The following SLC9A2 variants were observed in gnomAD, a reference collection of about 807,000 sequenced individuals.
The protein encoded by SLC9A2 is sodium/hydrogen exchanger 2.
In SLC9A2, 42 loss-of-function variants were observed where a neutral mutation model predicts 71.7. That is an observed-to-expected ratio of 0.59 (90% confidence interval 0.46 to 0.76). The LOEUF (loss-of-function observed/expected upper bound fraction) is 0.76, where lower values mean the gene tolerates loss of function less well. Ranked by LOEUF, SLC9A2 falls within the 30% of genes least tolerant of loss-of-function variation. The probability of loss-of-function intolerance (pLI) is 0.00; values close to 1 mark genes in which losing one functional copy is unlikely to be tolerated. For synonymous variants in SLC9A2, 396 were observed against 392.5 expected, an observed-to-expected ratio of 1.01 and a Z score of -0.10; for missense variants, 829 against 1,017.4, an observed-to-expected ratio of 0.81 and a Z score of 2.52.
In SLC9A2 at chr2:102,691,928, A is replaced by G. The variant is rs372716580; in HGVS notation, c.1426-2486A>G. On this transcript the variant is annotated intron_variant, in intron 5 of 11. Coordinates refer to ENST00000233969, the MANE Select transcript of SLC9A2 (RefSeq NM_003048.6). Reference sequence around the variant, plus strand: ...CTCACCTATTACTTACTAAATGAACACTGATAGGAAAAGAGCACGTGAAAC... The same window carrying G: ...CTCACCTATTACTTACTAAATGAACGCTGATAGGAAAAGAGCACGTGAAAC... Among the ~76,000 whole-genome samples, 65 of 152,308 alleles carry G rather than the reference A, an allele frequency of 4.3e-4. No homozygotes were observed. The South Asian group carries it at 7.9e-3, about 18-fold the overall frequency.
Position 102,701,317 on chromosome 2 carries a change from A to G in SLC9A2, c.1748+86A>G, listed in dbSNP as rs56888041. The G allele has an allele frequency of 8.2e-3, 8,408 of 1,029,886 alleles. 447 individuals carry two copies. In the African/African-American group the frequency reaches 0.12, roughly 15 times the overall value. The allele number at this position is 1,029,886 out of a possible 1,614,324, so 63.8% of individuals were successfully genotyped here. ...AACTGGTAATAATAATTTTAAAAAA[A>G]TTATTATTAATTGATCCGCCCCCCT... On this transcript the variant is annotated intron_variant, in intron 8 of 11. Transcript: ENST00000233969.
At position 102,680,050 on chromosome 2, in the gene SLC9A2, G is replaced by C. The variant is rs192975718; in HGVS notation, c.1005-3211G>C. Among the ~76,000 whole-genome samples the C allele has an allele frequency of 4.5e-3, 687 of 151,168 alleles. 6 individuals carry two copies. The highest frequency in any genetic ancestry group is 0.016 in the African/African-American group (651 of 41,470). ...TTTCCATATTTGTCTATAAGTTAAAGTGCTTTATAATAAAACCCTTTTGAA... is the reference window on the plus strand; with the variant it reads ...TTTCCATATTTGTCTATAAGTTAAACTGCTTTATAATAAAACCCTTTTGAA... On this transcript the variant is annotated intron_variant, in intron 3 of 11. Coordinates refer to ENST00000233969, the MANE Select transcript of SLC9A2 (RefSeq NM_003048.6).
rs1678036746 is a variant in SLC9A2 at position 102,708,711 on chromosome 2, A to T, written c.*222A>T. ...ATACCTTTTGTGACTAATGGGTAGC[A>T]ATCGTATTATTTGCTGGCCTGAAGA... On this transcript the variant is annotated 3_prime_UTR_variant, in exon 12 of 12. Transcript: ENST00000233969. 2.0e-6 allele frequency: 1 copy of T among 499,354 alleles called. No homozygotes were observed. Among genetic ancestry groups the T allele is most frequent in the African/African-American group, 1.9e-5 (1 of 51,650 alleles). 30.9% of individuals were successfully genotyped at this position (499,354 alleles called of 1,614,324 possible). A position where few individuals can be genotyped will look rare whatever the true frequency, so the allele number is the denominator to read the frequency against.
intron 1 of SLC9A2, among the ~76,000 whole-genome samples, chr2:102,633,124 G>C (rs1676406674): frequency 6.6e-6 from 1 of 152,170 alleles, no homozygotes; most frequent in African/African-American, 2.4e-5. Flanking sequence ...ATTATTCTCT[G>C]TCAGGTATTT....
At position 102,701,130 on chromosome 2, in the gene SLC9A2, G is replaced by A; in HGVS notation, c.1647G>A (p.Lys549=). The A allele has an allele frequency of 6.2e-7, 1 of 1,610,836 alleles. No individual in the cohort carries two copies. Among genetic ancestry groups the A allele is most frequent in the Non-Finnish European group, 8.5e-7 (1 of 1,178,652 alleles). ...RKLLIRENQP[K]SSIVSLYKKL... is the part of the protein sequence containing the mutation. The stretch of plus-strand genomic sequence containing the variant: ...TTTTGATTCGGGAAAACCAACCAAA[G>A]TCAAGTATTGTATCTTTATATAAAA... Residue 549 remains lysine, a synonymous_variant, in exon 8 of 12, where the codon AAG becomes AAA. Transcript: ENST00000233969.
intron 2 of SLC9A2, 65 bp from the exon 3 acceptor site, chr2:102,665,035 G>C: frequency 6.5e-7 from 1 of 1,533,160 alleles, no homozygotes; most frequent in Non-Finnish European, 8.8e-7. Context: ...AGATGTGTTT[G>C]TGCCCAGAGT....
At chr2:102,663,440 C>T (rs1489099999) in intron 2 of SLC9A2, among the ~76,000 whole-genome samples, 1 of 152,072 alleles carries the variant, frequency 6.6e-6, no homozygotes, top group Middle Eastern at 3.2e-3. Flanking sequence ...GCTTACAATC[C>T]AGTAGAAAGG....
intron 5 of SLC9A2, among the ~76,000 whole-genome samples, chr2:102,691,370 ATTAGAAATTTT>A (rs1677658705): frequency 6.6e-6 from 1 of 152,162 alleles, no homozygotes; most frequent in Non-Finnish European, 1.5e-5. Flanking sequence ...GGTGATCTAA[ATTAGAAATTTT>A]CTAATGTGGT....
chr2:102,637,858 T>C (rs1676498156), intron 1 of SLC9A2, among the ~76,000 whole-genome samples: 1 of 152,212 alleles, frequency 6.6e-6, no homozygotes, highest in South Asian at 2.1e-4. Context: ...GGAAGGAGTC[T>C]AAAAAGATAG....
chr2:102,668,167 T>G lies in SLC9A2; in HGVS notation c.1004+2817T>G, dbSNP rs1677178817. ...TCCTTAAATAAGATATTACCAGTGA[T>G]GTAAACATTTTTGCCCCAAAATTAC... On this transcript the variant is annotated intron_variant, in intron 3 of 11. Transcript: ENST00000233969. Among the ~76,000 whole-genome samples, 3 of 152,212 alleles carry G rather than the reference T, an allele frequency of 2.0e-5. No individual in the cohort carries two copies. In the South Asian group the frequency reaches 6.2e-4, roughly 31 times the overall value.
chr2:102,687,195 A>G (rs931658332), intron 5 of SLC9A2, among the ~76,000 whole-genome samples: 7 of 152,028 alleles, frequency 4.6e-5, no homozygotes, highest in African/African-American at 1.7e-4. Flanking sequence ...CAGATCGGAG[A>G]CTGCGTGCAT....
intron 1 of SLC9A2, among the ~76,000 whole-genome samples, chr2:102,655,177 C>T (rs949881864): frequency 5.3e-5 from 8 of 151,134 alleles, no homozygotes; most frequent in African/African-American, 1.9e-4. Context: ...AGTACAGCAA[C>T]ACAAAAATGT....
At chr2:102,661,933 G>A (rs1186332739) in intron 2 of SLC9A2, among the ~76,000 whole-genome samples, 1 of 152,138 alleles carries the variant, frequency 6.6e-6, no homozygotes, top group African/African-American at 2.4e-5. Flanking sequence ...ACAATTAAAG[G>A]ATTTAACTGG....
chr2:102,633,228 G>A (rs1676408421), intron 1 of SLC9A2, among the ~76,000 whole-genome samples: 1 of 152,178 alleles, frequency 6.6e-6, no homozygotes, highest in Non-Finnish European at 1.5e-5. Flanking sequence ...AAAAATAGAT[G>A]AGGATAAGAG....
intron 1 of SLC9A2, among the ~76,000 whole-genome samples, chr2:102,641,218 G>A (rs1031593578): frequency 1.3e-5 from 2 of 152,158 alleles, no homozygotes; most frequent in African/African-American, 2.4e-5. Context: ...GGCCTCAGCA[G>A]GGTCATGAAG....
At chr2:102,640,898 C>T (rs1676561768) in intron 1 of SLC9A2, among the ~76,000 whole-genome samples, 2 of 152,182 alleles carry the variant, frequency 1.3e-5, no homozygotes, top group African/African-American at 4.8e-5. Flanking sequence ...ACTTATCACT[C>T]CAGGGATTCT....
chr2:102,651,346 C>T (rs773141446), intron 1 of SLC9A2, among the ~76,000 whole-genome samples: 9 of 152,310 alleles, frequency 5.9e-5, no homozygotes, highest in Non-Finnish European at 1.3e-4. Flanking sequence ...GCTCTGCAGG[C>T]TCTAGCATTT....
At position 102,710,703 on chromosome 2, in the gene SLC9A2, CTA is replaced by C. The variant is rs1199061997; in HGVS notation, c.*2215_*2216del. 6.6e-6 allele frequency: 1 copy of C among 152,122 alleles called. No individual in the cohort carries two copies. The highest frequency in any genetic ancestry group is 1.5e-5 in the Non-Finnish European group (1 of 67,994). The allele number at this position is 152,122 out of a possible 1,614,324, so 9.4% of individuals were successfully genotyped here. A position where few individuals can be genotyped will look rare whatever the true frequency, so the allele number is the denominator to read the frequency against. ...TTCCTCTTTTTGTAATTCTTAAATT[CTA>C]GTCACTAGTCATTATGAGAGTATTG... On this transcript the variant is annotated 3_prime_UTR_variant, in exon 12 of 12. Transcript: ENST00000233969.
intron 3 of SLC9A2, among the ~76,000 whole-genome samples, chr2:102,678,340 AC>A (rs1677381277): frequency 1.3e-5 from 2 of 150,442 alleles, no homozygotes. Flanking sequence ...AAAAAAAAAA[AC>A]AGAGAGAGAG....
Sources: gnomAD v4.1 joint callset for allele counts (sites outside exome capture counted in the v4.1 genomes callset) on GRCh38, gnomAD v4.1.1 for gene constraint, MANE v1.5 for transcripts, NCBI Gene and HGNC (gene_info 2026-07-23, HGNC 2026-07-21) for gene names.